ADARB2: variants seen among roughly 807,000 people sequenced by gnomAD.
The protein encoded by ADARB2 is adenosine deaminase RNA specific B2 (inactive).
A neutral mutation model predicts 62.2 loss-of-function variants in ADARB2; 25 were observed. That is an observed-to-expected ratio of 0.40 (90% CI 0.29 to 0.56). ADARB2 has a LOEUF of 0.56. ADARB2 is among the 20% of genes least tolerant of loss of function. The pLI is 0.43. For missense variants in ADARB2, 1,071 were observed against 1,077.4 expected, an observed-to-expected ratio of 0.99 and a Z score of 0.08; for synonymous variants, 572 against 500.8, an observed-to-expected ratio of 1.14 and a Z score of -1.90.
intron 1 of ADARB2, among the ~76,000 whole-genome samples, chr10:1,609,098 C>T (rs751146279): frequency 1.3e-5 from 2 of 152,276 alleles, no homozygotes; most frequent in East Asian, 1.9e-4. Flanking sequence ...GCCTGGTGCC[C>T]GGCGTCGCTG....
intron 1 of ADARB2, among the ~76,000 whole-genome samples, chr10:1,379,580 C>T (rs1475442069): frequency 6.6e-6 from 1 of 152,194 alleles, no homozygotes; most frequent in Non-Finnish European, 1.5e-5. Context: ...CCAAGACTAT[C>T]TTTTCCTATT....
intron 1 of ADARB2, among the ~76,000 whole-genome samples, chr10:1,510,102 T>TTCTC (rs1554767623): frequency 8.0e-4 from 106 of 132,664 alleles, no homozygotes; most frequent in Admixed American, 3.0e-3. Context: ...TCTCTTTTCT[T>TTCTC]TCTTTCTCTC....
intron 1 of ADARB2, among the ~76,000 whole-genome samples, chr10:1,620,672 T>A (rs1326933940): frequency 1.3e-5 from 2 of 152,204 alleles, no homozygotes; most frequent in African/African-American, 4.8e-5. Flanking sequence ...TCACAAAAAG[T>A]ATAGCCCAAG....
intron 1 of ADARB2, among the ~76,000 whole-genome samples, chr10:1,702,484 G>C (rs1209024520): frequency 1.3e-5 from 2 of 152,158 alleles, no homozygotes; most frequent in Non-Finnish European, 2.9e-5. Flanking sequence ...GGCAGGTAGG[G>C]AATCCCGAAA....
chr10:1,329,491 C>T (rs914556231), intron 3 of ADARB2, among the ~76,000 whole-genome samples: 1 of 152,214 alleles, frequency 6.6e-6, no homozygotes, highest in Non-Finnish European at 1.5e-5. Context: ...CTGAGTCACA[C>T]CCAGGGCGCC....
At chr10:1,483,578 CTT>C (rs1489385506) in intron 1 of ADARB2, among the ~76,000 whole-genome samples, 1 of 152,176 alleles carries the variant, frequency 6.6e-6, no homozygotes, top group African/African-American at 2.4e-5. Context: ...TCAGAAATCT[CTT>C]TGTCCTTTCT....
chr10:1,695,512 A>C (rs780567090), intron 1 of ADARB2, among the ~76,000 whole-genome samples: 1 of 152,214 alleles, frequency 6.6e-6, no homozygotes, highest in Non-Finnish European at 1.5e-5. Flanking sequence ...AATCTCATAT[A>C]TAGACGGTGA....
chr10:1,564,693 A>G (rs895142872), intron 1 of ADARB2, among the ~76,000 whole-genome samples: 27 of 152,314 alleles, frequency 1.8e-4, no homozygotes, highest in Middle Eastern at 3.4e-3. Context: ...GAGAAATGCA[A>G]ATCAAAACCA....
At chr10:1,402,327 C>T (rs1832671810) in intron 1 of ADARB2, among the ~76,000 whole-genome samples, 2 of 152,160 alleles carry the variant, frequency 1.3e-5, no homozygotes, top group African/African-American at 4.8e-5. Flanking sequence ...TGCTCATCAA[C>T]CGCTATTCTG....
chr10:1,733,414 A>G (rs1835258729), intron 1 of ADARB2, among the ~76,000 whole-genome samples: 1 of 39,492 alleles, frequency 2.5e-5, no homozygotes, highest in Admixed American at 2.5e-4. Flanking sequence ...TTCTTTTAGA[A>G]AAAAAAATAC....
At chr10:1,283,650 A>T (rs1831388733) in intron 3 of ADARB2, among the ~76,000 whole-genome samples, 1 of 152,048 alleles carries the variant, frequency 6.6e-6, no homozygotes, top group Non-Finnish European at 1.5e-5. Context: ...GAGAATAACT[A>T]GTGTAGACAG....
intron 4 of ADARB2, among the ~76,000 whole-genome samples, chr10:1,258,111 GCTCT>G (rs886123139): frequency 9.9e-5 from 15 of 151,808 alleles, no homozygotes; most frequent in South Asian, 8.3e-4. Flanking sequence ...CCCTTTCCTA[GCTCT>G]CTCTTTTTCT....
chr10:1,206,423 A>C (rs980375131), intron 7 of ADARB2, among the ~76,000 whole-genome samples: 1 of 146,216 alleles, frequency 6.8e-6, no homozygotes, highest in East Asian at 2.0e-4. Flanking sequence ...GTCTGAGAGA[A>C]CTGGGGCGTC....
At position 1,183,188 on chromosome 10, in the gene ADARB2, G is replaced by T; in HGVS notation, c.*5C>A. 6.2e-7 allele frequency: 1 copy of T among 1,611,222 alleles called. No homozygotes were observed. The highest frequency in any genetic ancestry group is 8.5e-7 in the Non-Finnish European group (1 of 1,178,852). On this transcript the variant is annotated 3_prime_UTR_variant, in exon 10 of 10. Coordinates refer to ENST00000381312, the MANE Select transcript of ADARB2 (RefSeq NM_018702.4). ...GCTCAGCTCCAGCAGCCAGGAGCCC[G>T]CAGCCTAGAGAGTCAGTAGAAACTG...
At chr10:1,349,099 C>G (rs1247977637) in intron 3 of ADARB2, among the ~76,000 whole-genome samples, 1 of 152,180 alleles carries the variant, frequency 6.6e-6, no homozygotes, top group Non-Finnish European at 1.5e-5. Context: ...TCTGCCTTAA[C>G]TGATGACATT....
chr10:1,692,713 A>AT (rs971914656), intron 1 of ADARB2, among the ~76,000 whole-genome samples: 14 of 152,080 alleles, frequency 9.2e-5, no homozygotes, highest in East Asian at 7.7e-4. Context: ...GGCTACAAAC[A>AT]TTTTTTTTAA....
chr10:1,355,952 G>A (rs1213561270), intron 3 of ADARB2, among the ~76,000 whole-genome samples: 1 of 152,112 alleles, frequency 6.6e-6, no homozygotes, highest in East Asian at 1.9e-4. Flanking sequence ...TACATGTATA[G>A]TGTATAAATG....
At chr10:1,539,961 AT>A (rs958093716) in intron 1 of ADARB2, among the ~76,000 whole-genome samples, 30 of 150,962 alleles carry the variant, frequency 2.0e-4, no homozygotes, top group African/African-American at 4.9e-4. Flanking sequence ...AGCAGTGATA[AT>A]TTTTTTTTTC....
rs980268489 is a variant in ADARB2 at position 1,225,818 on chromosome 10, C to T, written c.1513+7876G>A. ...TGGGGTCCCTTTGTGGGTAACCCGA[C>T]CTTTCTCTCTGGCTGCCCTTAACAT... On this transcript the variant is annotated intron_variant, in intron 6 of 9. Coordinates refer to ENST00000381312, the MANE Select transcript of ADARB2 (RefSeq NM_018702.4). Among the ~76,000 whole-genome samples, 8 of 152,114 alleles carry T rather than the reference C, an allele frequency of 5.3e-5. No homozygotes were observed. In the South Asian group the frequency reaches 6.3e-4, roughly 12 times the overall value.
Sources: gnomAD v4.1 joint callset for allele counts (sites outside exome capture counted in the v4.1 genomes callset) on GRCh38, gnomAD v4.1.1 for gene constraint, MANE v1.5 for transcripts, NCBI Gene and HGNC (gene_info 2026-07-23, HGNC 2026-07-21) for gene names.